Variants in RANBP2 observed in about 807,000 individuals in gnomAD.
RANBP2 encodes the protein E3 SUMO-protein ligase RanBP2.
RANBP2 carries 57 observed loss-of-function variants against 303.6 expected under a neutral mutation model. The ratio of observed to expected loss-of-function variants is 0.19; its 90% CI spans 0.15 to 0.23. The LOEUF is 0.23. Ranked by LOEUF, RANBP2 falls within the 10% of genes least tolerant of loss-of-function variation. RANBP2 has a pLI of 1.00. For synonymous variants in RANBP2, 1,167 were observed against 1,301.5 expected (o/e 0.90, Z 2.23); for missense variants, 3,138 against 3,780.8 (o/e 0.83, Z 4.46).
At chr2:109,318,955 G>A in the RANBP2 span, among the ~76,000 whole-genome samples, 1 of 152,244 alleles carries the variant, frequency 6.6e-6, no homozygotes, top group African/African-American at 2.4e-5. Flanking sequence ...ACTTCCCTGA[G>A]AACATTTGTA....
At chr2:109,263,130 G>A in the RANBP2 span, among the ~76,000 whole-genome samples, 4 of 152,212 alleles carry the variant, frequency 2.6e-5, no homozygotes, top group South Asian at 6.2e-4. Flanking sequence ...ATAGGCGTGA[G>A]CCACCACGCC....
intron 9 of RANBP2, 87 bp from the exon 10 acceptor site, chr2:108,751,177 A>G (rs1040568772): frequency 6.4e-7 from 1 of 1,553,366 alleles, no homozygotes. Flanking sequence ...ATTAAGATAT[A>G]TATAATGTGA....
chr2:109,391,539 G>C, the RANBP2 span, among the ~76,000 whole-genome samples: 1 of 152,206 alleles, frequency 6.6e-6, no homozygotes, highest in South Asian at 2.1e-4. Context: ...AACTTCAAGG[G>C]GGGAATCTCC....
At chr2:109,504,189 G>A in the RANBP2 span, 9 of 152,222 alleles carry the variant, frequency 5.9e-5, no homozygotes, top group East Asian at 1.7e-3. Context: ...CACATGTTTG[G>A]CGGTTAAGAT....
the RANBP2 span, among the ~76,000 whole-genome samples, chr2:108,830,820 A>G: frequency 6.9e-6 from 1 of 144,470 alleles, no homozygotes; most frequent in Non-Finnish European, 1.5e-5. Flanking sequence ...AATAAAAAAC[A>G]AAAAAAAAAA....
the RANBP2 span, among the ~76,000 whole-genome samples, chr2:109,338,650 C>T: frequency 7.9e-3 from 1,207 of 152,222 alleles, 14 homozygotes; most frequent in African/African-American, 0.028. Context: ...CTCTGCCTCC[C>T]GAGTTCAGGC....
the RANBP2 span, among the ~76,000 whole-genome samples, chr2:109,712,729 GC>G: frequency 6.6e-6 from 1 of 152,132 alleles, no homozygotes; most frequent in Non-Finnish European, 1.5e-5. Context: ...ACCAAGTCTG[GC>G]TTTAAAAATT....
At chr2:109,038,311 A>G in the RANBP2 span, among the ~76,000 whole-genome samples, 1 of 152,170 alleles carries the variant, frequency 6.6e-6, no homozygotes, top group Non-Finnish European at 1.5e-5. Context: ...AACCTAAAAG[A>G]TATATGAATT....
At chr2:109,159,811 T>C in the RANBP2 span, among the ~76,000 whole-genome samples, 1 of 152,230 alleles carries the variant, frequency 6.6e-6, no homozygotes. Context: ...TTCACACTCC[T>C]TATGAGAATC....
the RANBP2 span, among the ~76,000 whole-genome samples, chr2:108,859,761 TAA>T: frequency 7.2e-5 from 11 of 152,166 alleles, no homozygotes; most frequent in Non-Finnish European, 1.5e-4. Context: ...TCTTTTTACT[TAA>T]GTTTGTTTTG....
chr2:109,432,427 C>T, the RANBP2 span: 30 of 1,567,174 alleles, frequency 1.9e-5, no homozygotes, highest in Non-Finnish European at 2.5e-5. Context: ...AGACAACCTC[C>T]CCCCAGGAAT....
chr2:108,918,778 C>T, the RANBP2 span, among the ~76,000 whole-genome samples: 1 of 152,166 alleles, frequency 6.6e-6, no homozygotes, highest in Non-Finnish European at 1.5e-5. Flanking sequence ...TGTTAATCCA[C>T]ACAATTTAGA....
At chr2:109,300,959 G>A in the RANBP2 span, among the ~76,000 whole-genome samples, 1 of 152,266 alleles carries the variant, frequency 6.6e-6, no homozygotes, top group Admixed American at 6.5e-5. Context: ...ACCAGCTGCA[G>A]ATGCTGGTGC....
At chr2:109,131,647 G>A in the RANBP2 span, among the ~76,000 whole-genome samples, 1 of 152,166 alleles carries the variant, frequency 6.6e-6, no homozygotes, top group Non-Finnish European at 1.5e-5. Context: ...CTGAAGCTTT[G>A]ATGCCACTCC....
the RANBP2 span, among the ~76,000 whole-genome samples, chr2:108,927,912 C>T: frequency 2.0e-5 from 3 of 152,140 alleles, no homozygotes; most frequent in East Asian, 3.9e-4. Context: ...AATCTCTTTC[C>T]CCTTCTGAGT....
chr2:108,877,005 A>G, the RANBP2 span, among the ~76,000 whole-genome samples: 1 of 152,226 alleles, frequency 6.6e-6, no homozygotes, highest in South Asian at 2.1e-4. Flanking sequence ...GAGTCATAAA[A>G]TCATATATGA....
the RANBP2 span, among the ~76,000 whole-genome samples, chr2:109,296,515 T>G: frequency 6.6e-6 from 1 of 152,154 alleles, no homozygotes; most frequent in Non-Finnish European, 1.5e-5. Context: ...ATGCTGAGAT[T>G]ACAGGTGTGA....
the RANBP2 span, among the ~76,000 whole-genome samples, chr2:109,194,888 A>G: frequency 6.6e-6 from 1 of 152,172 alleles, no homozygotes; most frequent in African/African-American, 2.4e-5. Flanking sequence ...GTTTTTAAAA[A>G]TGCTACTTGG....
chr2:108,720,004 C>G, intron 1 of RANBP2: 1 of 985,354 alleles, frequency 1.0e-6, no homozygotes, highest in Non-Finnish European at 1.2e-6. Flanking sequence ...CCCGCGCGGC[C>G]TAGTTCTCGG....
Sources: allele counts gnomAD v4.1 joint callset (sites outside exome capture counted in the v4.1 genomes callset), GRCh38; gene constraint gnomAD v4.1.1; transcripts MANE v1.5; gene names NCBI Gene and HGNC (gene_info 2026-07-23, HGNC 2026-07-21).